STX19: variants seen among roughly 807,000 people sequenced by gnomAD.
STX19 encodes the protein syntaxin 19.
A neutral mutation model predicts 24.3 loss-of-function variants in STX19; 26 were observed. The ratio of observed to expected loss-of-function variants is 1.07; its 90% CI spans 0.78 to 1.48. STX19 has a LOEUF of 1.48. Among genes scored for constraint, STX19 ranks in the 40% most tolerant of loss-of-function variants. The probability of loss-of-function intolerance (pLI) is 0.00; values close to 1 mark genes in which losing one functional copy is unlikely to be tolerated. For synonymous variants in STX19, 116 were observed against 106.9 expected (o/e 1.09, Z -0.52); for missense variants, 367 against 331.9 (o/e 1.11, Z -0.82).
rs779676629 is a variant in STX19, at chr3:94,014,768, G to A, written c.502C>T (p.Arg168Cys). The A allele has an allele frequency of 1.7e-5, 27 of 1,613,512 alleles. No homozygotes were observed. Among genetic ancestry groups the A allele is most frequent in the African/African-American group, 5.3e-5 (4 of 74,906 alleles). Reference protein sequence around the residue: ...KQEKCKTFILRQLEVAGKEMS... With the variant: ...KQEKCKTFILCQLEVAGKEMS... ...TCTTTTCCAGCAACTTCAAGCTGAC[G>A]TAAAATAAATGTCTTGCACTTCTCT... is the stretch of plus-strand genomic sequence containing the variant. The change falls in exon 2 of 2, where the codon CGT becomes TGT. Residue 168 changes from arginine (R) to cysteine (C), a missense_variant. Transcript: ENST00000315099.
At chr3:94,028,324 G>A (rs890844018) in intron 1 of STX19, 43 bp downstream of exon 1, 2 of 152,152 alleles carry the variant, frequency 1.3e-5, no homozygotes, top group Non-Finnish European at 2.9e-5. Context: ...GTCAGTCTAT[G>A]GATACCTCAT....
rs184890166 is a variant in STX19, at chr3:94,020,503, A to G, written c.-13-5221T>C. ...TGACATAGCATAGCTTTACTATGCT[A>G]TGAAGGTTTTTCAGTGGTGTTAGAT... On this transcript the variant is annotated intron_variant, in intron 1 of 1. Transcript: ENST00000315099. 1.4e-4 allele frequency among the ~76,000 whole-genome samples: 21 copies of G among 152,310 alleles called. No individual in the cohort carries two copies. In the East Asian group the frequency reaches 1.9e-3, roughly 14 times the overall value.
chr3:94,014,830 AT>A lies in STX19; in HGVS notation c.439del (p.Ile147SerfsTer9). On this transcript the variant is annotated frameshift_variant, in exon 2 of 2. Coordinates refer to ENST00000315099, the MANE Select transcript of STX19 (RefSeq NM_001001850.3). LOFTEE classifies it high-confidence loss of function. ...HAAMFRHFQQ[I>X]MFIYNDTIAA... Reference sequence around the variant, plus strand: ...TATTGTGTCATTGTATATAAACATGATTTGCTGAAAATGGCGGAACATTGCA... The same window carrying A: ...TATTGTGTCATTGTATATAAACATGATTGCTGAAAATGGCGGAACATTGCA... The A allele has an allele frequency of 6.2e-7, 1 of 1,614,096 alleles. No individual in the cohort carries two copies. The highest frequency in any genetic ancestry group is 1.1e-5 in the South Asian group (1 of 91,082).
chr3:94,026,710 T>C (rs772405964), intron 1 of STX19, among the ~76,000 whole-genome samples: 7 of 152,182 alleles, frequency 4.6e-5, no homozygotes, highest in Non-Finnish European at 1.0e-4. Context: ...AATTACTATT[T>C]TATGCAGTCT....
At chr3:94,017,724 G>T (rs1464075065) in intron 1 of STX19, among the ~76,000 whole-genome samples, 1 of 152,180 alleles carries the variant, frequency 6.6e-6, no homozygotes, top group Admixed American at 6.5e-5. Context: ...TCTCTAAGCA[G>T]ATATTTGAGA....
intron 1 of STX19, among the ~76,000 whole-genome samples, chr3:94,022,156 T>G (rs2076462356): frequency 6.6e-6 from 1 of 152,088 alleles, no homozygotes; most frequent in Admixed American, 6.6e-5. Flanking sequence ...AGAGTTTCGC[T>G]GTTGTCACCC....
At chr3:94,023,269 A>G (rs922100713) in intron 1 of STX19, among the ~76,000 whole-genome samples, 2 of 152,106 alleles carry the variant, frequency 1.3e-5, no homozygotes, top group East Asian at 1.9e-4. Flanking sequence ...TTGTTACTAC[A>G]TCTTCTAGTT....
At chr3:94,017,674 A>G (rs996775825) in intron 1 of STX19, among the ~76,000 whole-genome samples, 9 of 152,214 alleles carry the variant, frequency 5.9e-5, no homozygotes, top group African/African-American at 2.2e-4. Flanking sequence ...TAAAAGATAA[A>G]CGGGATAATT....
chr3:94,020,705 G>C (rs1235636824), intron 1 of STX19, among the ~76,000 whole-genome samples: 1 of 152,126 alleles, frequency 6.6e-6, no homozygotes, highest in Non-Finnish European at 1.5e-5. Context: ...TGACTATATT[G>C]CTGAGCATTT....
chr3:94,018,697 C>T (rs937149712), intron 1 of STX19, among the ~76,000 whole-genome samples: 2 of 152,142 alleles, frequency 1.3e-5, no homozygotes, highest in South Asian at 2.1e-4. Flanking sequence ...CCTGTGAACC[C>T]GTAAACTGCC....
intron 1 of STX19, among the ~76,000 whole-genome samples, chr3:94,027,699 T>C (rs2076586690): frequency 6.6e-6 from 1 of 152,060 alleles, no homozygotes; most frequent in African/African-American, 2.4e-5. Context: ...TATCTACATA[T>C]GTTGTATTTA....
intron 1 of STX19, among the ~76,000 whole-genome samples, chr3:94,022,322 T>C (rs1278371610): frequency 2.6e-5 from 4 of 151,814 alleles, no homozygotes; most frequent in Admixed American, 2.6e-4. Context: ...GATGGGGTTT[T>C]ACCATGTTGG....
chr3:94,021,388 T>A (rs1421933715), intron 1 of STX19, among the ~76,000 whole-genome samples: 1 of 151,814 alleles, frequency 6.6e-6, no homozygotes, highest in African/African-American at 2.4e-5. Context: ...AGAGACAAGG[T>A]TTCACCATGT....
At position 94,014,546 on chromosome 3, in the gene STX19, C is replaced by A. The variant is rs867987463; in HGVS notation, c.724G>T (p.Glu242Ter). 7 of 1,612,828 alleles carry A rather than the reference C, an allele frequency of 4.3e-6. No individual in the cohort carries two copies. The highest frequency in any genetic ancestry group is 1.3e-5 in the African/African-American group (1 of 74,972). The change falls in exon 2 of 2, where the codon GAA (glutamate) becomes TAA (stop). Residue 242 changes from glutamate (E) to a stop codon, truncating the protein, a stop_gained. Coordinates refer to ENST00000315099, the MANE Select transcript of STX19 (RefSeq NM_001001850.3). LOFTEE classifies it high-confidence loss of function. ...LFIQISLLVEEQGESINNIEM... is the reference protein window; with the variant it reads ...LFIQISLLVE The stretch of plus-strand genomic sequence containing the variant: ...ATATTGTTGATGCTCTCTCCTTGTT[C>A]CTCTACTAAAAGAGATATCTGAATG...
intron 1 of STX19, among the ~76,000 whole-genome samples, chr3:94,022,880 T>TACCAAAG (rs2076478595): frequency 6.6e-6 from 1 of 152,060 alleles, no homozygotes; most frequent in Non-Finnish European, 1.5e-5. Flanking sequence ...CCTGCTTAAT[T>TACCAAAG]TTGTACATAC....
At chr3:94,016,614 A>G (rs147120141) in intron 1 of STX19, among the ~76,000 whole-genome samples, 29 of 152,084 alleles carry the variant, frequency 1.9e-4, no homozygotes, top group African/African-American at 4.6e-4. Context: ...AATAGTGTCT[A>G]TGAAAGTATT....
intron 1 of STX19, among the ~76,000 whole-genome samples, chr3:94,027,835 C>G (rs1427722125): frequency 6.6e-6 from 1 of 152,006 alleles, no homozygotes; most frequent in Non-Finnish European, 1.5e-5. Flanking sequence ...TCGATATTTT[C>G]TGGTAGCCCT....
rs2076299005 is a variant in STX19, at chr3:94,014,969, G to T, written c.301C>A (p.Gln101Lys). Residue 101 changes from glutamine (Q) to lysine (K), a missense_variant, in exon 2 of 2, where the codon CAG (glutamine) becomes AAG (lysine). Transcript: ENST00000315099. ...AAACTTCTGTTGATGTATTCTGCCT[G>T]AATTTTTATCTCCTTTGTAATGGTA... is the stretch of plus-strand genomic sequence containing the variant. ...ESTITKEIKI[Q>K]AEYINRSLND... The T allele has an allele frequency of 6.2e-7, 1 of 1,613,814 alleles. No individual in the cohort carries two copies. The highest frequency in any genetic ancestry group is 1.3e-5 in the African/African-American group (1 of 74,890).
chr3:94,026,725 T>G (rs369152034), intron 1 of STX19, among the ~76,000 whole-genome samples: 1 of 152,212 alleles, frequency 6.6e-6, no homozygotes, highest in Non-Finnish European at 1.5e-5. Flanking sequence ...CAGTCTGTTA[T>G]GTACCTTAAA....
Sources: allele counts gnomAD v4.1 joint callset (sites outside exome capture counted in the v4.1 genomes callset), GRCh38; gene constraint gnomAD v4.1.1; transcripts MANE v1.5; gene names NCBI Gene and HGNC (gene_info 2026-07-23, HGNC 2026-07-21).